The following UBE2O variants were observed in gnomAD, a reference collection of about 807,000 sequenced individuals.
UBE2O encodes ubiquitin conjugating enzyme E2 O, also known as (E3-independent) E2 ubiquitin-conjugating enzyme.
UBE2O carries 15 observed loss-of-function variants against 125.8 expected under a neutral mutation model. The observed-to-expected ratio is 0.12, with a 90% confidence interval of 0.08 to 0.18. The LOEUF is 0.18. Ranked by LOEUF, UBE2O falls within the 10% of genes least tolerant of loss-of-function variation. UBE2O has a pLI of 1.00. For missense variants in UBE2O, 1,280 were observed against 1,723.6 expected, an observed-to-expected ratio of 0.74 and a Z score of 4.56; for synonymous variants, 708 against 703.2, an observed-to-expected ratio of 1.01 and a Z score of -0.11.
At chr17:76,442,909 G>C (rs2073096779) in intron 1 of UBE2O, among the ~76,000 whole-genome samples, 1 of 152,172 alleles carries the variant, frequency 6.6e-6, no homozygotes, top group African/African-American at 2.4e-5. Context: ...GGTTGTGAAA[G>C]GGAAATGCAG....
Position 76,400,874 on chromosome 17 carries a change from A to T in UBE2O, c.894+137T>A. On this transcript the variant is annotated intron_variant, in intron 6 of 17. Coordinates refer to ENST00000319380, the MANE Select transcript of UBE2O (RefSeq NM_022066.4). The surrounding 1 kb of genome is among the most constrained non-coding windows in gnomAD (Gnocchi z 4.3). ...GAGCCTGGGTTCCCTTTATCCCCAA[A>T]GCCCTTTGAGATCAACAGGGTCCAG... 1.8e-6 allele frequency: 2 copies of T among 1,093,622 alleles called. No individual in the cohort carries two copies. The highest frequency in any genetic ancestry group is 2.6e-6 in the Non-Finnish European group (2 of 779,456). 67.7% of individuals were successfully genotyped at this position (1,093,622 alleles called of 1,614,324 possible). A position where few individuals can be genotyped will look rare whatever the true frequency, so the allele number is the denominator to read the frequency against.
Position 76,396,277 on chromosome 17 carries a change from C to A in UBE2O, c.2660G>T (p.Arg887Leu), listed in dbSNP as rs770539583. ...EKMEAVPDVERKEDKPEGQSP... is the reference protein window; with the variant it reads ...EKMEAVPDVELKEDKPEGQSP... ...CTGCCCCTCGGGCTTGTCCTCCTTG[C>A]GCTCTACGTCGGGCACTGCTTCCAT... The change falls in exon 14 of 18, where the codon CGC becomes CTC. Residue 887 changes from arginine to leucine, a missense_variant. Arg to Leu is a moderately radical substitution (Grantham distance 102). Around this residue, in one of 10 missense-constraint regions of UBE2O, gnomAD observed 116 missense variants for 154.8 expected, o/e 0.75. Coordinates refer to ENST00000319380, the MANE Select transcript of UBE2O (RefSeq NM_022066.4). The surrounding 1 kb of genome is among the most constrained non-coding windows in gnomAD (Gnocchi z 6.7). The A allele has an allele frequency of 2.5e-6, 4 of 1,614,210 alleles. No homozygotes were observed. Among genetic ancestry groups the A allele is most frequent in the Non-Finnish European group, 3.4e-6 (4 of 1,180,038 alleles).
At position 76,401,105 on chromosome 17, in the gene UBE2O, A is replaced by G. The variant is rs1253199150; in HGVS notation, c.800T>C (p.Ile267Thr). ...GCTGGAGAAGATCTTGGCAGGGCCAATGAGCACCTGGCCTGGGTAGAAGCC... is the reference window on the plus strand; with the variant it reads ...GCTGGAGAAGATCTTGGCAGGGCCAGTGAGCACCTGGCCTGGGTAGAAGCC... ...SYGFYPGQVL[I>T]GPAKIFSSVQ... Residue 267 changes from isoleucine to threonine, a missense_variant, in exon 6 of 18, where the codon ATT becomes ACT. By Grantham distance (89) the Ile-to-Thr change is moderately conservative. This residue lies in a region of UBE2O where 206 missense variants were observed against 315.7 expected (regional missense o/e 0.65). Coordinates refer to ENST00000319380, the MANE Select transcript of UBE2O (RefSeq NM_022066.4). 1.2e-6 allele frequency: 2 copies of G among 1,613,774 alleles called. No homozygotes were observed. Among genetic ancestry groups the G allele is most frequent in the East Asian group, 2.2e-5 (1 of 44,904 alleles).
chr17:76,400,308 A>G lies in UBE2O; in HGVS notation c.1005-11T>C, dbSNP rs1226888891. The G allele has an allele frequency of 6.2e-7, 1 of 1,612,618 alleles. No homozygotes were observed. The highest frequency in any genetic ancestry group is 8.5e-7 in the Non-Finnish European group (1 of 1,179,148). ...CCGAGACGCTTCACCCTGGTTGGGG[A>G]AGAAGTGGGGGTGAGCTGGGCTGGA... On this transcript the variant is annotated splice_polypyrimidine_tract_variant and intron_variant, in intron 7 of 17. Transcript: ENST00000319380. The surrounding 1 kb of genome is among the most constrained non-coding windows in gnomAD (Gnocchi z 4.3).
chr17:76,422,602 C>G (rs2072730756), intron 1 of UBE2O, among the ~76,000 whole-genome samples: 1 of 152,208 alleles, frequency 6.6e-6, no homozygotes, highest in Admixed American at 6.5e-5. Context: ...CGAGGCACGC[C>G]AGGCTTGGGG....
rs187573557 is a variant in UBE2O at position 76,397,277 on chromosome 17, T to C, written c.2116-456A>G. ...TTCCCTGGAATGGCCGTTAAGGTGA[T>C]GGGGCAAGCCATTCCCGCCCCCACT... is the stretch of plus-strand genomic sequence containing the variant. On this transcript the variant is annotated intron_variant, in intron 13 of 17. Coordinates refer to ENST00000319380, the MANE Select transcript of UBE2O (RefSeq NM_022066.4). 3.9e-3 allele frequency among the ~76,000 whole-genome samples: 595 copies of C among 152,284 alleles called. 6 individuals carry two copies. Among genetic ancestry groups the C allele is most frequent in the South Asian group, 0.037 (179 of 4,826 alleles).
chr17:76,415,923 A>G (rs546453934), intron 1 of UBE2O, among the ~76,000 whole-genome samples: 20 of 132,928 alleles, frequency 1.5e-4, no homozygotes, highest in African/African-American at 4.7e-4. Context: ...ACATGCACAT[A>G]CACGTATATA....
At chr17:76,415,761 G>A (rs549811385) in intron 1 of UBE2O, among the ~76,000 whole-genome samples, 3 of 151,628 alleles carry the variant, frequency 2.0e-5, no homozygotes, top group South Asian at 4.2e-4. Flanking sequence ...CTGAGATCAC[G>A]CCACTGCACT....
At chr17:76,441,574 G>A (rs2073075563) in intron 1 of UBE2O, among the ~76,000 whole-genome samples, 1 of 152,190 alleles carries the variant, frequency 6.6e-6, no homozygotes, top group Admixed American at 6.5e-5. Context: ...CATCAACGAG[G>A]TTTGGAAGGG....
Position 76,402,496 on chromosome 17 carries a change from G to T in UBE2O, c.686+106C>A. The T allele has an allele frequency of 1.0e-6, 1 of 987,308 alleles. No individual in the cohort carries two copies. The highest frequency in any genetic ancestry group is 1.6e-6 in the Non-Finnish European group (1 of 621,334). The allele number at this position is 987,308 out of a possible 1,614,324, so 61.2% of individuals were successfully genotyped here. ...GCCTGCAACATCTGTCACTGCCCTT[G>T]ATCAAACCTGTCATCACTGTCCCCA... is the stretch of plus-strand genomic sequence containing the variant. On this transcript the variant is annotated intron_variant, in intron 4 of 17. Coordinates refer to ENST00000319380, the MANE Select transcript of UBE2O (RefSeq NM_022066.4). This position sits in a 1 kb window ranked among gnomAD's most constrained non-coding sequence, Gnocchi z 5.4.
intron 1 of UBE2O, among the ~76,000 whole-genome samples, chr17:76,444,077 C>T (rs1260050810): frequency 2.0e-5 from 3 of 151,778 alleles, no homozygotes; most frequent in East Asian, 1.9e-4. Context: ...AAATATTACT[C>T]GGACGTGGTG....
chr17:76,416,258 A>G (rs1430023133), intron 1 of UBE2O, among the ~76,000 whole-genome samples: 1 of 151,924 alleles, frequency 6.6e-6, no homozygotes, highest in Non-Finnish European at 1.5e-5. Flanking sequence ...ATGTATGTAT[A>G]TGTATATATA....
intron 1 of UBE2O, among the ~76,000 whole-genome samples, chr17:76,441,947 G>A (rs752545386): frequency 2.0e-5 from 3 of 152,246 alleles, no homozygotes; most frequent in Non-Finnish European, 4.4e-5. Flanking sequence ...TGATTCATTT[G>A]CAGTCGGGTG....
At chr17:76,409,553 G>A (rs909811711) in intron 1 of UBE2O, among the ~76,000 whole-genome samples, 2 of 152,110 alleles carry the variant, frequency 1.3e-5, no homozygotes, top group African/African-American at 4.8e-5. Context: ...GCACAACCAT[G>A]CCCGGCTAAT....
chr17:76,412,288 T>C (rs2072529777), intron 1 of UBE2O, among the ~76,000 whole-genome samples: 1 of 152,176 alleles, frequency 6.6e-6, no homozygotes, highest in African/African-American at 2.4e-5. Flanking sequence ...AAGACCAGAT[T>C]CCTAAAAGGA....
Position 76,399,343 on chromosome 17 carries a change from G to A in UBE2O, c.1628+106C>T. On this transcript the variant is annotated intron_variant, in intron 9 of 17. Coordinates refer to ENST00000319380, the MANE Select transcript of UBE2O (RefSeq NM_022066.4). This position sits in a 1 kb window ranked among gnomAD's most constrained non-coding sequence, Gnocchi z 6.9. ...GTGGGAGCCCCGGAGCCACTACAAG[G>A]CATGCAGAGGTGTGTGTGCGAGCGC... 6 of 1,164,956 alleles carry A rather than the reference G, an allele frequency of 5.2e-6. No individual in the cohort carries two copies. Among genetic ancestry groups the A allele is most frequent in the Non-Finnish European group, 7.4e-6 (6 of 810,494 alleles). 72.2% of individuals were successfully genotyped at this position (1,164,956 alleles called of 1,614,324 possible).
At chr17:76,415,985 GCA>G (rs964253927) in intron 1 of UBE2O, among the ~76,000 whole-genome samples, 4 of 151,436 alleles carry the variant, frequency 2.6e-5, no homozygotes, top group East Asian at 1.9e-4. Context: ...GTATACATAT[GCA>G]CATACACGTA....
At chr17:76,419,778 G>A (rs556006566) in intron 1 of UBE2O, among the ~76,000 whole-genome samples, 8 of 152,352 alleles carry the variant, frequency 5.3e-5, no homozygotes, top group Admixed American at 5.2e-4. Flanking sequence ...AGGCAGGAAG[G>A]CCATGCTGTG....
chr17:76,419,146 T>G (rs2072665955), intron 1 of UBE2O, among the ~76,000 whole-genome samples: 1 of 148,340 alleles, frequency 6.7e-6, no homozygotes, highest in African/African-American at 2.5e-5. Context: ...AAATTAGGCC[T>G]GGTGGCTCAT....
Sources: allele counts gnomAD v4.1 joint callset (sites outside exome capture counted in the v4.1 genomes callset), GRCh38; gene constraint gnomAD v4.1.1; regional missense constraint gnomAD v4.1.1; non-coding constraint Gnocchi (gnomAD v3.1); transcripts MANE v1.5; gene names NCBI Gene and HGNC (gene_info 2026-07-23, HGNC 2026-07-21).